The following LYPD8 variants were observed in gnomAD, a reference collection of about 807,000 sequenced individuals.
LYPD8 encodes the protein LY6/PLAUR domain containing 8.
Under a neutral mutation model 1.7 loss-of-function variants are expected in LYPD8, and 8 were observed. That is an observed-to-expected ratio of 4.58 (90% CI 2.69 to 8.27). The LOEUF (loss-of-function observed/expected upper bound fraction) is 8.27. Among genes scored for constraint, LYPD8 ranks in the 30% most tolerant of loss-of-function variants. The probability of loss-of-function intolerance (pLI) is 0.00; values close to 1 mark genes in which losing one functional copy is unlikely to be tolerated. For missense variants in LYPD8, 112 were observed against 102.3 expected, an observed-to-expected ratio of 1.09 and a Z score of -0.41; for synonymous variants, 50 against 43.6, an observed-to-expected ratio of 1.15 and a Z score of -0.58.
In LYPD8 at chr1:248,755,308, C is replaced by G. The variant is rs992536140; in HGVS notation, c.-119G>C. The G allele has an allele frequency of 6.6e-6, 1 of 152,166 alleles. No homozygotes were observed. Among genetic ancestry groups the G allele is most frequent in the Non-Finnish European group, 1.5e-5 (1 of 68,028 alleles). 9.4% of individuals were successfully genotyped at this position (152,166 alleles called of 1,614,324 possible). Reference sequence around the variant, plus strand: ...ACTTCCCACTGGCAAAGTTTTATTGCGGAATCTTTTCGACAGCCTGGCAGG... The same window carrying G: ...ACTTCCCACTGGCAAAGTTTTATTGGGGAATCTTTTCGACAGCCTGGCAGG... On this transcript the variant is annotated 5_prime_UTR_variant, in exon 2 of 7. Coordinates refer to ENST00000590317, the MANE Select transcript of LYPD8 (RefSeq NM_001085474.2).
At chr1:248,750,782 A>G in intron 3 of LYPD8, 139 bp from the exon 4 acceptor site, 1 of 397,750 alleles carries the variant, frequency 2.5e-6, no homozygotes, top group Non-Finnish European at 4.4e-6. Flanking sequence ...GGATACCTGA[A>G]ATTGATGCTG....
chr1:248,752,786 A>C (rs1337388512), intron 2 of LYPD8, among the ~76,000 whole-genome samples: 5 of 71,980 alleles, frequency 6.9e-5, no homozygotes, highest in Non-Finnish European at 1.0e-4. Context: ...AACACACACC[A>C]CACACACACC....
intron 6 of LYPD8, among the ~76,000 whole-genome samples, chr1:248,742,283 C>A (rs1480409412): frequency 2.0e-5 from 1 of 49,796 alleles, no homozygotes. Context: ...ATGTTGGCAG[C>A]GGGGGAGATT....
At position 248,753,381 on chromosome 1, in the gene LYPD8, C is replaced by G. The variant is rs1317420490; in HGVS notation, c.-50+1858G>C. 3.9e-5 allele frequency among the ~76,000 whole-genome samples: 5 copies of G among 126,684 alleles called. 1 individual carries two copies. The highest frequency in any genetic ancestry group is 5.5e-3 in the Middle Eastern group (1 of 182). 83.1% of individuals were successfully genotyped at this position (126,684 alleles called of 152,430 possible). The stretch of plus-strand genomic sequence containing the variant: ...ACACACATCACATACACACCACACA[C>G]CACACACAACACATACACATCACAC... On this transcript the variant is annotated intron_variant, in intron 2 of 6. Transcript: ENST00000590317.
intron 2 of LYPD8, among the ~76,000 whole-genome samples, chr1:248,752,561 C>T (rs1315313089): frequency 7.4e-6 from 1 of 136,008 alleles, no homozygotes; most frequent in Non-Finnish European, 1.6e-5. Context: ...AAACACACCA[C>T]ATCATGAACA....
chr1:248,752,654 ACACACCACACACAC>A (rs1662822293), intron 2 of LYPD8, among the ~76,000 whole-genome samples: 1 of 14,054 alleles, frequency 7.1e-5, no homozygotes. Flanking sequence ...AACACACAAC[ACACACCACACACAC>A]CACACCACAC....
intron 2 of LYPD8, among the ~76,000 whole-genome samples, chr1:248,753,582 AAC>A (rs1662871449): frequency 9.1e-6 from 1 of 109,352 alleles, no homozygotes; most frequent in South Asian, 2.9e-4. Context: ...CACCCCACAC[AAC>A]ACACACAACA....
chr1:248,753,349 ACAC>A (rs1338997699), intron 2 of LYPD8, among the ~76,000 whole-genome samples: 1 of 126,260 alleles, frequency 7.9e-6, no homozygotes, highest in African/African-American at 3.1e-5. Flanking sequence ...CACACACACC[ACAC>A]AACACACACA....
At chr1:248,754,018 TCACACAC>T (rs1472582443) in intron 2 of LYPD8, among the ~76,000 whole-genome samples, 10,778 of 108,518 alleles carry the variant, frequency 0.099, 502 homozygotes, top group South Asian at 0.26. Context: ...ATACACTACA[TCACACAC>T]CACACACCAC....
rs1180698076 is a variant in LYPD8, at chr1:248,753,324, A to C, written c.-50+1915T>G. 7.0e-3 allele frequency among the ~76,000 whole-genome samples: 666 copies of C among 95,098 alleles called. 21 individuals are homozygous for C. Among genetic ancestry groups the C allele is most frequent in the African/African-American group, 0.025 (533 of 21,752 alleles). 62.4% of individuals were successfully genotyped at this position (95,098 alleles called of 152,430 possible). A position where few individuals can be genotyped will look rare whatever the true frequency, so the allele number is the denominator to read the frequency against. ...CACCACACACCCCACACAACACACAACACATCACACACACCACACACACCA... is the reference window on the plus strand; with the variant it reads ...CACCACACACCCCACACAACACACACCACATCACACACACCACACACACCA... On this transcript the variant is annotated intron_variant, in intron 2 of 6. Coordinates refer to ENST00000590317, the MANE Select transcript of LYPD8 (RefSeq NM_001085474.2).
intron 2 of LYPD8, among the ~76,000 whole-genome samples, chr1:248,751,674 C>G (rs1662804757): frequency 1.3e-5 from 2 of 152,092 alleles, no homozygotes; most frequent in African/African-American, 4.8e-5. Flanking sequence ...TATTAGCATC[C>G]TAAGAAAAAT....
chr1:248,753,163 C>T (rs1249627521), intron 2 of LYPD8, among the ~76,000 whole-genome samples: 2 of 122,038 alleles, frequency 1.6e-5, no homozygotes, highest in African/African-American at 6.3e-5. Flanking sequence ...CCCCACACAC[C>T]ACACACACCA....
chr1:248,743,160 A>C (rs1662647736), intron 6 of LYPD8, among the ~76,000 whole-genome samples: 1 of 152,194 alleles, frequency 6.6e-6, no homozygotes, highest in Non-Finnish European at 1.5e-5. Flanking sequence ...GTATTTAAAA[A>C]AAAACAGTAT....
At chr1:248,752,619 C>CACT (rs1662820104) in intron 2 of LYPD8, among the ~76,000 whole-genome samples, 1 of 122,730 alleles carries the variant, frequency 8.1e-6, no homozygotes, top group African/African-American at 3.0e-5. Flanking sequence ...ACACACATCA[C>CACT]ACACACACAC....
chr1:248,753,982 C>T (rs1309104881), intron 2 of LYPD8, among the ~76,000 whole-genome samples: 3 of 137,530 alleles, frequency 2.2e-5, no homozygotes, highest in African/African-American at 8.5e-5. Context: ...ACACCACACA[C>T]TCCACACATC....
In LYPD8 at chr1:248,739,849, T is replaced by A; in HGVS notation, c.476A>T (p.Asp159Val). Residue 159 changes from aspartate to valine, a missense_variant and splice_region_variant, in exon 7 of 7, where the codon GAC becomes GTC. Physicochemically the swap from Asp to Val is radical, Grantham distance 152. Transcript: ENST00000590317. This position sits in a 1 kb window ranked among gnomAD's most constrained non-coding sequence, Gnocchi z 4.3. ...CVFLVAELKN[D>V]IESKSLVLKG... Reference sequence around the variant, plus strand: ...CAGCACGAGACTCTTAGACTCAATGTCTGTGAATGCAAAGGAGACAGGAGG... The same window carrying A: ...CAGCACGAGACTCTTAGACTCAATGACTGTGAATGCAAAGGAGACAGGAGG... 1 of 1,551,726 alleles carries A rather than the reference T, an allele frequency of 6.4e-7. No homozygotes were observed. Among genetic ancestry groups the A allele is most frequent in the Non-Finnish European group, 8.7e-7 (1 of 1,146,994 alleles).
intron 4 of LYPD8, 40 bp from the exon 5 acceptor site, chr1:248,748,493 G>A: frequency 2.5e-6 from 1 of 400,592 alleles, no homozygotes; most frequent in Non-Finnish European, 4.4e-6. Context: ...CCCTGGTAAG[G>A]AGGAGGTGTG....
At chr1:248,743,488 G>A (rs73148528) in intron 6 of LYPD8, among the ~76,000 whole-genome samples, 12,557 of 152,158 alleles carry the variant, frequency 0.083, 1,591 homozygotes, top group African/African-American at 0.27. Context: ...GACAACAACC[G>A]AAATAAGAGG....
intron 4 of LYPD8, among the ~76,000 whole-genome samples, chr1:248,749,930 A>G (rs1662769102): frequency 6.6e-6 from 1 of 152,126 alleles, no homozygotes; most frequent in Admixed American, 6.5e-5. Flanking sequence ...AGTAAAAAAA[A>G]AAACTATAGC....
Sources: allele counts gnomAD v4.1 joint callset (sites outside exome capture counted in the v4.1 genomes callset), GRCh38; gene constraint gnomAD v4.1.1; non-coding constraint Gnocchi (gnomAD v3.1); transcripts MANE v1.5; gene names NCBI Gene and HGNC (gene_info 2026-07-23, HGNC 2026-07-21).